CDKN2A: variants seen among roughly 807,000 people sequenced by gnomAD.
The protein encoded by CDKN2A is cyclin-dependent kinase inhibitor 2A.
Under a neutral mutation model 11.1 loss-of-function variants are expected in CDKN2A, and 3 were observed. That is an observed-to-expected ratio of 0.27 (90% CI 0.12 to 0.70). CDKN2A has a LOEUF of 0.70. Ranked by LOEUF, CDKN2A falls within the 30% of genes least tolerant of loss-of-function variation. CDKN2A has a pLI of 0.77. For missense variants in CDKN2A, 265 were observed against 233.6 expected, an observed-to-expected ratio of 1.13 and a Z score of -0.88; for synonymous variants, 122 against 108.1, an observed-to-expected ratio of 1.13 and a Z score of -0.80.
At chr9:21,970,581 C>A (rs778405881) in intron 2 of CDKN2A, 18 of 578,576 alleles carry the variant, frequency 3.1e-5, no homozygotes, top group South Asian at 1.0e-4. Context: ...GGGCACTAGA[C>A]CTCTAGCCTC....
chr9:21,970,420 T>A, intron 2 of CDKN2A: 1 of 321,470 alleles, frequency 3.1e-6, no homozygotes, highest in Non-Finnish European at 5.8e-6. Context: ...ATTAGTTGAG[T>A]TGTGCAGAAG....
At chr9:21,990,104 G>A (rs1411741042) in intron 2 of CDKN2A, 2 of 152,820 alleles carry the variant, frequency 1.3e-5, no homozygotes, top group African/African-American at 2.4e-5. Context: ...GGCTCCGGAG[G>A]CGGCGAGACC....
At chr9:21,982,308 A>G (rs188476428) in intron 2 of CDKN2A, among the ~76,000 whole-genome samples, 138 of 152,294 alleles carry the variant, frequency 9.1e-4, no homozygotes, top group African/African-American at 3.2e-3. Context: ...AGGAAACTTA[A>G]AAGTATATTA....
chr9:21,984,893 G>A (rs1206132754), intron 2 of CDKN2A, among the ~76,000 whole-genome samples: 2 of 152,056 alleles, frequency 1.3e-5, no homozygotes, highest in African/African-American at 4.8e-5. Flanking sequence ...ACTTAGGAGA[G>A]TTCTGAAGCC....
At position 21,969,596 on chromosome 9, in the gene CDKN2A, A is replaced by C. The variant is rs533774387; in HGVS notation, c.457+1306T>G. 9 of 396,482 alleles carry C rather than the reference A, an allele frequency of 2.3e-5. No homozygotes were observed. The East Asian group carries it at 3.2e-4, about 14-fold the overall frequency. The allele number at this position is 396,482 out of a possible 1,614,324, so 24.6% of individuals were successfully genotyped here. A position where few individuals can be genotyped will look rare whatever the true frequency, so the allele number is the denominator to read the frequency against. ...ATTAAATATATTAGGTTTGGTTAAG[A>C]GTCGTTCAGTTTATTCATTTGCTTG... On this transcript the variant is annotated intron_variant, in intron 2 of 2. Transcript: ENST00000304494.
At position 21,986,378 on chromosome 9, in the gene CDKN2A, C is replaced by T. The variant is rs1052404925; in HGVS notation, c.-4+7504G>A. 2.6e-5 allele frequency among the ~76,000 whole-genome samples: 4 copies of T among 152,058 alleles called. No homozygotes were observed. In the South Asian group the frequency reaches 6.2e-4, roughly 24 times the overall value. ...TTGAAAGATGTTAACCTCCTTTCAA[C>T]CAATAAATATTTACTGTGACTTATA... is the stretch of plus-strand genomic sequence containing the variant. On this transcript the variant is annotated intron_variant, in intron 2 of 3. Transcript: ENST00000494262.
At chr9:21,981,477 G>A (rs867203392) in intron 2 of CDKN2A, among the ~76,000 whole-genome samples, 43 of 152,110 alleles carry the variant, frequency 2.8e-4, no homozygotes, top group African/African-American at 9.2e-4. Flanking sequence ...ATGAGTTCTA[G>A]AATAGGATGT....
intron 2 of CDKN2A, chr9:21,970,551 C>A (rs1490709558): frequency 1.9e-6 from 1 of 538,642 alleles, no homozygotes; most frequent in Non-Finnish European, 3.3e-6. Flanking sequence ...ATGCAACTGG[C>A]CCTAGTTTGG....
chr9:21,992,287 A>G, intron 2 of CDKN2A: 1 of 881,544 alleles, frequency 1.1e-6, no homozygotes, highest in Non-Finnish European at 1.4e-6. Context: ...ATGGGCATAA[A>G]ATATATTAAT....
chr9:21,984,797 C>A (rs1016115259), intron 2 of CDKN2A, among the ~76,000 whole-genome samples: 1 of 151,916 alleles, frequency 6.6e-6, no homozygotes, highest in South Asian at 2.1e-4. Context: ...TTTTGCCCCT[C>A]TAAAAAACTA....
intron 2 of CDKN2A, among the ~76,000 whole-genome samples, chr9:21,983,519 AT>A (rs2131130942): frequency 6.6e-6 from 1 of 152,188 alleles, no homozygotes; most frequent in East Asian, 1.9e-4. Flanking sequence ...GTTGTCAGAT[AT>A]TTAAGGTGTT....
Position 21,971,156 on chromosome 9 carries a change from G to C in CDKN2A, c.203C>G (p.Ala68Gly), listed in dbSNP as rs1060501260. ...RVAELLLLHGAEPNCADPATL... is the reference protein window; with the variant it reads ...RVAELLLLHGGEPNCADPATL... ...GGCGGGGTCGGCGCAGTTGGGCTCC[G>C]CGCCGTGGAGCAGCAGCAGCTCCGC... The change falls in exon 2 of 3, where the codon GCG becomes GGG. Residue 68 changes from alanine to glycine, a missense_variant. Transcript: ENST00000304494. The C allele has an allele frequency of 8.2e-6, 13 of 1,593,862 alleles. No homozygotes were observed. Among genetic ancestry groups the C allele is most frequent in the Non-Finnish European group, 1.0e-5 (12 of 1,176,910 alleles).
chr9:21,994,199 G>A (rs1554659193), intron 1 of CDKN2A: 1 of 1,606,436 alleles, frequency 6.2e-7, no homozygotes, highest in Non-Finnish European at 8.5e-7. Flanking sequence ...ATCAGCACGA[G>A]GGCCACAGCG....
At chr9:21,975,223 T>G, upstream of CDKN2A, 1 of 999,068 alleles carries the variant, frequency 1.0e-6, no homozygotes. Flanking sequence ...CCAGCCGCGC[T>G]CCCCCGCCTG....
Position 21,983,878 on chromosome 9 carries a change from C to T in CDKN2A, c.-4+10004G>A, listed in dbSNP as rs75850539. ...AGTCTTTAAACTCAGATAGAACTGA[C>T]CTCTCATTTACCAGCTCTGTGGGCT... On this transcript the variant is annotated intron_variant, in intron 2 of 3. Coordinates refer to the CDKN2A transcript ENST00000494262. 1.8e-3 allele frequency among the ~76,000 whole-genome samples: 268 copies of T among 152,100 alleles called. 2 individuals carry two copies. The highest frequency in any genetic ancestry group is 6.2e-3 in the African/African-American group (259 of 41,548).
At chr9:21,989,829 T>G (rs767178621) in intron 2 of CDKN2A, 1 of 152,286 alleles carries the variant, frequency 6.6e-6, no homozygotes, top group African/African-American at 2.4e-5. Context: ...TCCGCAGTTA[T>G]GATAACGGAT....
At position 21,982,005 on chromosome 9, in the gene CDKN2A, T is replaced by C. The variant is rs922387187; in HGVS notation, c.-3-10797A>G. On this transcript the variant is annotated intron_variant, in intron 2 of 3. Transcript: ENST00000494262. ...AACATTGGATGTTTCTTTCTCCCTT[T>C]TACTATTCTCTATTTAATTAAATTC... Among the ~76,000 whole-genome samples the C allele has an allele frequency of 5.9e-5, 9 of 152,274 alleles. No homozygotes were observed. The South Asian group carries it at 1.7e-3, about 28-fold the overall frequency.
At chr9:21,972,895 T>C (rs1278091416) in intron 1 of CDKN2A, among the ~76,000 whole-genome samples, 1 of 152,220 alleles carries the variant, frequency 6.6e-6, no homozygotes, top group African/African-American at 2.4e-5. Flanking sequence ...GAGGAGTTAC[T>C]TATTTTTAGG....
intron 2 of CDKN2A, among the ~76,000 whole-genome samples, chr9:21,984,599 C>G (rs75973746): frequency 5.9e-4 from 90 of 152,046 alleles, no homozygotes; most frequent in Non-Finnish European, 1.0e-3. Context: ...TACGCATGTG[C>G]TGTTAGAGTT....
Sources: allele counts gnomAD v4.1 joint callset (sites outside exome capture counted in the v4.1 genomes callset), GRCh38; gene constraint gnomAD v4.1.1; transcripts MANE v1.5; gene names NCBI Gene and HGNC (gene_info 2026-07-23, HGNC 2026-07-21).